Variants in HACD2 observed in about 807,000 individuals in gnomAD.
HACD2 encodes the protein 3-hydroxyacyl-CoA dehydratase 2, also known as very-long-chain (3R)-3-hydroxyacyl-CoA dehydratase 2.
In HACD2, 15 loss-of-function variants were observed where a neutral mutation model predicts 31.0. The ratio of observed to expected loss-of-function variants is 0.48; its 90% CI spans 0.32 to 0.75. The LOEUF (loss-of-function observed/expected upper bound fraction) is 0.75. Among genes scored for constraint, HACD2 ranks in the 30% least tolerant of loss-of-function variants. The probability of loss-of-function intolerance (pLI) is 0.03; values close to 1 mark genes in which losing one functional copy is unlikely to be tolerated. For synonymous variants in HACD2, 115 were observed against 122.2 expected (o/e 0.94, Z 0.39); for missense variants, 283 against 313.0 (o/e 0.90, Z 0.72).
In HACD2 at chr3:123,502,590, T is replaced by C. The variant is rs998759673; in HGVS notation, c.473A>G (p.Asn158Ser). ...RYSFYTFSLLNHLPYLIKWAR... is the reference protein window; with the variant it reads ...RYSFYTFSLLSHLPYLIKWAR... ...CCATTTGATGAGGTAAGGCAGATGG[T>C]TTAATAGACTGAATGTATAAAAGGA... The change falls in exon 5 of 7, where the codon AAC (asparagine) becomes AGC (serine). Residue 158 changes from asparagine (N) to serine (S), a missense_variant. This residue lies in a region of HACD2 where 85 missense variants were observed against 129.6 expected (regional missense o/e 0.66). Coordinates refer to ENST00000383657, the MANE Select transcript of HACD2 (RefSeq NM_198402.5). The C allele has an allele frequency of 4.3e-6, 7 of 1,611,598 alleles. No homozygotes were observed. The highest frequency in any genetic ancestry group is 5.9e-6 in the Non-Finnish European group (7 of 1,178,932).
intron 4 of HACD2, 77 bp downstream of exon 4, chr3:123,528,309 A>G (rs369788118): frequency 1.1e-6 from 1 of 889,380 alleles, no homozygotes; most frequent in South Asian, 1.3e-5. Context: ...CTCTTTAGCC[A>G]TAACAAACAT....
intron 4 of HACD2, among the ~76,000 whole-genome samples, chr3:123,513,993 G>A (rs908710329): frequency 1.3e-5 from 2 of 152,166 alleles, no homozygotes; most frequent in Non-Finnish European, 2.9e-5. Context: ...AACAAAGAGA[G>A]GCTGAATATG....
chr3:123,572,281 G>T (rs1409748985), intron 2 of HACD2, among the ~76,000 whole-genome samples: 1 of 152,180 alleles, frequency 6.6e-6, no homozygotes, highest in Non-Finnish European at 1.5e-5. Context: ...CAAAGCAGGA[G>T]GATCACTTGA....
intron 4 of HACD2, among the ~76,000 whole-genome samples, chr3:123,522,561 AC>A (rs759107822): frequency 2.6e-5 from 4 of 152,194 alleles, no homozygotes; most frequent in Non-Finnish European, 4.4e-5. Flanking sequence ...CTATGAGATA[AC>A]TAACACAATC....
chr3:123,497,374 G>A (rs2055846624), intron 6 of HACD2, among the ~76,000 whole-genome samples: 1 of 152,122 alleles, frequency 6.6e-6, no homozygotes, highest in South Asian at 2.1e-4. Context: ...GGACGAGGGG[G>A]GTGTGGGTGC....
chr3:123,576,477 G>A (rs570252783), intron 2 of HACD2, among the ~76,000 whole-genome samples: 1 of 152,036 alleles, frequency 6.6e-6, no homozygotes, highest in Non-Finnish European at 1.5e-5. Context: ...TGAGAAGCTG[G>A]TTTTTCTGGG....
At position 123,498,358 on chromosome 3, in the gene HACD2, A is replaced by T. The variant is rs9851892; in HGVS notation, c.682+2157T>A. ...CTGAGACTGCAAGGGGGAATTACTT[A>T]AGGTAAAGAAAGCAGACTTCTGTTG... On this transcript the variant is annotated intron_variant, in intron 6 of 6. Coordinates refer to ENST00000383657, the MANE Select transcript of HACD2 (RefSeq NM_198402.5). 2.8e-3 allele frequency among the ~76,000 whole-genome samples: 420 copies of T among 152,342 alleles called. 2 individuals carry two copies. Among genetic ancestry groups the T allele is most frequent in the African/African-American group, 9.9e-3 (411 of 41,576 alleles).
chr3:123,528,284 A>T, intron 4 of HACD2, 102 bp downstream of exon 4: 1 of 747,540 alleles, frequency 1.3e-6, no homozygotes, highest in Non-Finnish European at 2.4e-6. Context: ...CATGACCTGG[A>T]ACTCTGACCT....
intron 3 of HACD2, among the ~76,000 whole-genome samples, chr3:123,544,986 A>G (rs533620021): frequency 2.7e-3 from 345 of 128,642 alleles, no homozygotes; most frequent in African/African-American, 9.2e-3. Flanking sequence ...AGGTGGGAGG[A>G]TTGCTTGAGC....
intron 6 of HACD2, among the ~76,000 whole-genome samples, chr3:123,495,579 A>G: frequency 8.5e-6 from 1 of 117,478 alleles, no homozygotes; most frequent in Non-Finnish European, 1.8e-5. Context: ...GAACACAACT[A>G]AGCCAGGTTT....
At chr3:123,542,283 T>G (rs2056503383) in intron 3 of HACD2, among the ~76,000 whole-genome samples, 1 of 151,478 alleles carries the variant, frequency 6.6e-6, no homozygotes, top group South Asian at 2.1e-4. Flanking sequence ...AACAAATATA[T>G]GGAATTATAT....
chr3:123,578,235 T>C (rs937116991), intron 2 of HACD2, among the ~76,000 whole-genome samples: 2 of 152,240 alleles, frequency 1.3e-5, no homozygotes, highest in African/African-American at 4.8e-5. Context: ...TTTATATCCA[T>C]AGACCACATT....
intron 4 of HACD2, among the ~76,000 whole-genome samples, chr3:123,507,901 T>C (rs756252039): frequency 1.1e-4 from 16 of 152,032 alleles, no homozygotes; most frequent in Non-Finnish European, 2.2e-4. Flanking sequence ...TGTAAAGTTA[T>C]TTAATAAAAA....
chr3:123,507,606 G>A (rs572282064), intron 4 of HACD2, among the ~76,000 whole-genome samples: 1 of 152,274 alleles, frequency 6.6e-6, no homozygotes, highest in South Asian at 2.1e-4. Flanking sequence ...GGGGCTGGGA[G>A]TGGGAACTAA....
chr3:123,542,544 G>A (rs141933829), intron 3 of HACD2, among the ~76,000 whole-genome samples: 107 of 152,340 alleles, frequency 7.0e-4, no homozygotes, highest in African/African-American at 2.4e-3. Flanking sequence ...TATGCTAAAC[G>A]CATAAGCCAA....
At chr3:123,513,810 A>G (rs1248268184) in intron 4 of HACD2, among the ~76,000 whole-genome samples, 2 of 152,134 alleles carry the variant, frequency 1.3e-5, no homozygotes, top group Non-Finnish European at 2.9e-5. Flanking sequence ...ATTTGAATGG[A>G]GCATACTGGA....
At chr3:123,539,911 TAAAAAAAAAAAAA>T (rs71142741) in intron 3 of HACD2, among the ~76,000 whole-genome samples, 4 of 24,478 alleles carry the variant, frequency 1.6e-4, no homozygotes, top group South Asian at 4.1e-3. Flanking sequence ...TCGTCTCTAC[TAAAAAAAAAAAAA>T]AAAAAAAAAA....
intron 4 of HACD2, among the ~76,000 whole-genome samples, chr3:123,509,306 T>C (rs1003178354): frequency 6.6e-6 from 1 of 151,898 alleles, no homozygotes; most frequent in Non-Finnish European, 1.5e-5. Context: ...AAGTTAAGGC[T>C]GCAGTGAGCT....
chr3:123,537,212 T>G (rs563559460), intron 3 of HACD2, among the ~76,000 whole-genome samples: 1 of 152,358 alleles, frequency 6.6e-6, no homozygotes, highest in Admixed American at 6.5e-5. Context: ...AGTTAAGAGA[T>G]GTTATGTAAA....
Sources: allele counts gnomAD v4.1 joint callset (sites outside exome capture counted in the v4.1 genomes callset), GRCh38; gene constraint gnomAD v4.1.1; regional missense constraint gnomAD v4.1.1; transcripts MANE v1.5; gene names NCBI Gene and HGNC (gene_info 2026-07-23, HGNC 2026-07-21).